The following LOC128462377 variants were observed in gnomAD, a reference collection of about 807,000 sequenced individuals.
chr16:89,389,328 A>G, the LOC128462377 span, among the ~76,000 whole-genome samples: 31 of 152,262 alleles, frequency 2.0e-4, no homozygotes, highest in African/African-American at 7.5e-4. Flanking sequence ...CCCGACCTAC[A>G]ACTTTGCTGT....
At chr16:89,368,192 T>C in the LOC128462377 span, among the ~76,000 whole-genome samples, 1 of 151,620 alleles carries the variant, frequency 6.6e-6, no homozygotes, top group Non-Finnish European at 1.5e-5. Flanking sequence ...ACTCTTAACA[T>C]GTTTTCGAGC....
chr16:89,343,536 T>A, the LOC128462377 span: 1 of 152,282 alleles, frequency 6.6e-6, no homozygotes, highest in African/African-American at 2.4e-5. Flanking sequence ...CGAGGTGGGC[T>A]GGAGGCATGT....
chr16:89,376,500 T>A, the LOC128462377 span, among the ~76,000 whole-genome samples: 2 of 152,208 alleles, frequency 1.3e-5, no homozygotes, highest in Admixed American at 6.5e-5. Flanking sequence ...TGCAGTGGCA[T>A]GATCTCAGCT....
At chr16:89,414,483 A>G in the LOC128462377 span, among the ~76,000 whole-genome samples, 1 of 152,222 alleles carries the variant, frequency 6.6e-6, no homozygotes, top group Non-Finnish European at 1.5e-5. Flanking sequence ...TGTCAGCTTC[A>G]ACTACTTTTA....
chr16:89,394,338 C>T, the LOC128462377 span, among the ~76,000 whole-genome samples: 1 of 152,186 alleles, frequency 6.6e-6, no homozygotes, highest in Non-Finnish European at 1.5e-5. Flanking sequence ...ATCAGAAAAA[C>T]AGCTCGTGGG....
the LOC128462377 span, among the ~76,000 whole-genome samples, chr16:89,351,571 G>C: frequency 1.3e-5 from 2 of 152,210 alleles, no homozygotes; most frequent in Admixed American, 1.3e-4. Flanking sequence ...TGTAAGTTAA[G>C]GCATGGAGAC....
the LOC128462377 span, among the ~76,000 whole-genome samples, chr16:89,355,331 C>A: frequency 1.3e-5 from 2 of 152,094 alleles, no homozygotes; most frequent in African/African-American, 4.8e-5. Context: ...CCACAAGGAC[C>A]AAAGAGGAAC....
At chr16:89,394,693 T>C in the LOC128462377 span, among the ~76,000 whole-genome samples, 1 of 151,824 alleles carries the variant, frequency 6.6e-6, no homozygotes, top group African/African-American at 2.4e-5. Flanking sequence ...CTCGTCTCAA[T>C]AAAACCTGCG....
At chr16:89,399,648 G>A in the LOC128462377 span, among the ~76,000 whole-genome samples, 89 of 152,294 alleles carry the variant, frequency 5.8e-4, no homozygotes, top group African/African-American at 2.1e-3. Flanking sequence ...CCCTGAGGTC[G>A]TGCGGCCTGT....
chr16:89,363,802 C>T, the LOC128462377 span, among the ~76,000 whole-genome samples: 1 of 152,186 alleles, frequency 6.6e-6, no homozygotes, highest in East Asian at 1.9e-4. Flanking sequence ...ATGCCTGGAG[C>T]ACAGCACTTC....
the LOC128462377 span, among the ~76,000 whole-genome samples, chr16:89,345,700 G>A: frequency 4.6e-5 from 7 of 152,324 alleles, no homozygotes; most frequent in East Asian, 1.9e-4. Flanking sequence ...GGCTCAGCAC[G>A]AGCTGAGTGA....
the LOC128462377 span, chr16:89,317,052 G>A: frequency 1.2e-5 from 19 of 1,599,298 alleles, no homozygotes; most frequent in Admixed American, 8.5e-5. Context: ...TCATTTACAC[G>A]GCCGGCGCTT....
At chr16:89,353,585 C>T in the LOC128462377 span, among the ~76,000 whole-genome samples, 1 of 151,976 alleles carries the variant, frequency 6.6e-6, no homozygotes, top group East Asian at 2.0e-4. Flanking sequence ...TCAAGCAATT[C>T]TCCTGCCTCA....
chr16:89,377,114 T>C, the LOC128462377 span, among the ~76,000 whole-genome samples: 2 of 152,216 alleles, frequency 1.3e-5, no homozygotes, highest in Non-Finnish European at 2.9e-5. Flanking sequence ...ACAATGCCCT[T>C]GGTCCCCCAG....
At chr16:89,377,225 G>A in the LOC128462377 span, among the ~76,000 whole-genome samples, 1 of 152,126 alleles carries the variant, frequency 6.6e-6, no homozygotes, top group African/African-American at 2.4e-5. Flanking sequence ...GGACCTGTAA[G>A]GCTCATTACA....
the LOC128462377 span, among the ~76,000 whole-genome samples, chr16:89,366,935 A>C: frequency 6.6e-6 from 1 of 152,186 alleles, no homozygotes; most frequent in African/African-American, 2.4e-5. Context: ...ATCCTTCGCA[A>C]TCTGGTTGTA....
the LOC128462377 span, among the ~76,000 whole-genome samples, chr16:89,329,254 G>A: frequency 1.1e-4 from 16 of 152,314 alleles, no homozygotes; most frequent in East Asian, 1.3e-3. Context: ...AGGATAAGAC[G>A]GGGGATCTGA....
chr16:89,410,476 C>A, the LOC128462377 span, among the ~76,000 whole-genome samples: 1 of 152,170 alleles, frequency 6.6e-6, no homozygotes, highest in Non-Finnish European at 1.5e-5. Context: ...AGACACCCTG[C>A]AGAGCTGAGG....
At chr16:89,363,378 T>C in the LOC128462377 span, among the ~76,000 whole-genome samples, 1 of 151,982 alleles carries the variant, frequency 6.6e-6, no homozygotes, top group South Asian at 2.1e-4. Context: ...TAATGCTAAA[T>C]GACGAGTTAA....
Sources: gnomAD v4.1 joint callset for allele counts (sites outside exome capture counted in the v4.1 genomes callset) on GRCh38, gnomAD v4.1.1 for gene constraint, MANE v1.5 for transcripts.